CDH10: variants seen among roughly 807,000 people sequenced by gnomAD.
CDH10 encodes the protein cadherin 10.
CDH10 carries 30 observed loss-of-function variants against 73.1 expected under a neutral mutation model. The ratio of observed to expected loss-of-function variants is 0.41; its 90% CI spans 0.31 to 0.56. CDH10 has a LOEUF of 0.56. Among genes scored for constraint, CDH10 ranks in the 20% least tolerant of loss-of-function variants. The pLI, the probability that CDH10 is intolerant of heterozygous loss-of-function variation, is 0.27. For synonymous variants in CDH10, 345 were observed against 348.2 expected (o/e 0.99, Z 0.10); for missense variants, 815 against 973.7 (o/e 0.84, Z 2.17).
chr5:24,583,243 C>T (rs1745868263), intron 2 of CDH10, among the ~76,000 whole-genome samples: 2 of 148,020 alleles, frequency 1.4e-5, no homozygotes, highest in African/African-American at 4.9e-5. Context: ...CATCTCACAT[C>T]TCATAAAGTA....
chr5:24,609,890 G>C (rs931954684), intron 1 of CDH10: 8 of 152,290 alleles, frequency 5.3e-5, no homozygotes, highest in Non-Finnish European at 1.0e-4. Flanking sequence ...GCTGCTCACT[G>C]CCTGTCGGAT....
chr5:24,539,462 G>T (rs1291149348), intron 2 of CDH10, among the ~76,000 whole-genome samples: 2 of 151,800 alleles, frequency 1.3e-5, no homozygotes, highest in African/African-American at 4.8e-5. Flanking sequence ...GCTATTACTT[G>T]TTATCACTGG....
intron 3 of CDH10, among the ~76,000 whole-genome samples, chr5:24,536,490 A>G (rs561317747): frequency 1.3e-4 from 20 of 152,196 alleles, no homozygotes; most frequent in Non-Finnish European, 2.9e-4. Flanking sequence ...AAAGCTTTAG[A>G]TTTGTTTAAT....
chr5:24,608,396 G>C (rs1036171158), intron 1 of CDH10, among the ~76,000 whole-genome samples: 1 of 151,998 alleles, frequency 6.6e-6, no homozygotes, highest in Non-Finnish European at 1.5e-5. Flanking sequence ...GGGTTCAAGC[G>C]ATTCTCCTGA....
chr5:24,513,783 C>T lies in CDH10; in HGVS notation c.815-2269G>A, dbSNP rs542249933. Among the ~76,000 whole-genome samples, 10 of 152,232 alleles carry T rather than the reference C, an allele frequency of 6.6e-5. No homozygotes were observed. In the South Asian group the frequency reaches 1.9e-3, roughly 28 times the overall value. On this transcript the variant is annotated intron_variant, in intron 5 of 11. Coordinates refer to ENST00000264463, the MANE Select transcript of CDH10 (RefSeq NM_006727.5). ...ATCTTATTGGTTCTCTTTGCCTTTG[C>T]TGATTCTTCTTGGAACACCTGTCCC... is the stretch of plus-strand genomic sequence containing the variant.
intron 2 of CDH10, among the ~76,000 whole-genome samples, chr5:24,582,410 T>C (rs1322223306): frequency 1.3e-5 from 2 of 152,140 alleles, no homozygotes; most frequent in Admixed American, 6.5e-5. Context: ...CCTATATAGA[T>C]ATTCAAACTA....
At chr5:24,566,075 G>A (rs1745155930) in intron 2 of CDH10, among the ~76,000 whole-genome samples, 1 of 152,114 alleles carries the variant, frequency 6.6e-6, no homozygotes, top group Admixed American at 6.5e-5. Context: ...TTGAGACAGA[G>A]TCTCACCCTC....
At chr5:24,630,591 A>G (rs1275667306) in intron 1 of CDH10, among the ~76,000 whole-genome samples, 1 of 151,818 alleles carries the variant, frequency 6.6e-6, no homozygotes, top group East Asian at 1.9e-4. Context: ...TCTTAAGGAA[A>G]AAGAAACATT....
chr5:24,631,033 G>A (rs1007656150), intron 1 of CDH10, among the ~76,000 whole-genome samples: 11 of 152,032 alleles, frequency 7.2e-5, no homozygotes, highest in African/African-American at 2.4e-4. Flanking sequence ...TGGTGGAAGT[G>A]GTAAAACTCT....
At chr5:24,624,754 CTG>C (rs1747435734) in intron 1 of CDH10, among the ~76,000 whole-genome samples, 1 of 152,108 alleles carries the variant, frequency 6.6e-6, no homozygotes, top group Non-Finnish European at 1.5e-5. Flanking sequence ...AAAGGCAAGT[CTG>C]GAATCCATAT....
intron 2 of CDH10, among the ~76,000 whole-genome samples, chr5:24,552,868 G>C (rs887714325): frequency 6.6e-6 from 1 of 152,028 alleles, no homozygotes. Flanking sequence ...TCTTGTTGGA[G>C]ATAAGATAAA....
rs571787057 is a variant in CDH10, at chr5:24,494,038, A to G, written c.1516-1113T>C. ...AGCAATCTATTTAATTACAACCCTA[A>G]CCATTTATTTCAAAAGGATACAAGA... On this transcript the variant is annotated intron_variant, in intron 9 of 11. Transcript: ENST00000264463. 4.6e-5 allele frequency among the ~76,000 whole-genome samples: 7 copies of G among 152,038 alleles called. No individual in the cohort carries two copies. The South Asian group carries it at 1.5e-3, about 32-fold the overall frequency.
Position 24,487,514 on chromosome 5 carries a change from T to C in CDH10, c.*149A>G. 1.4e-6 allele frequency: 1 copy of C among 697,468 alleles called. No individual in the cohort carries two copies. Among genetic ancestry groups the C allele is most frequent in the South Asian group, 1.9e-5 (1 of 53,728 alleles). The allele number at this position is 697,468 out of a possible 1,614,324, so 43.2% of individuals were successfully genotyped here. On this transcript the variant is annotated 3_prime_UTR_variant, in exon 12 of 12. Coordinates refer to ENST00000264463, the MANE Select transcript of CDH10 (RefSeq NM_006727.5). ...CATGAGACATCCTACAGGAAAGAATTAATGTAATTAATGAACAAATTAAGA... is the reference window on the plus strand; with the variant it reads ...CATGAGACATCCTACAGGAAAGAATCAATGTAATTAATGAACAAATTAAGA...
At chr5:24,530,191 A>T (rs558713919) in intron 5 of CDH10, among the ~76,000 whole-genome samples, 40 of 150,984 alleles carry the variant, frequency 2.6e-4, no homozygotes, top group Admixed American at 6.6e-4. Context: ...TCAAATAGAC[A>T]TTCTCTGGAG....
At chr5:24,520,893 A>ATT (rs11459094) in intron 5 of CDH10, among the ~76,000 whole-genome samples, 79 of 149,870 alleles carry the variant, frequency 5.3e-4, no homozygotes, top group Admixed American at 1.4e-3. Flanking sequence ...CACCCGGCAA[A>ATT]TTTTTTTTTT....
intron 1 of CDH10, among the ~76,000 whole-genome samples, chr5:24,605,405 T>C (rs1028659101): frequency 6.6e-6 from 1 of 152,194 alleles, no homozygotes; most frequent in Non-Finnish European, 1.5e-5. Flanking sequence ...TATTATGAAC[T>C]GCACAGGCAA....
chr5:24,546,517 C>G (rs922468618), intron 2 of CDH10, among the ~76,000 whole-genome samples: 1 of 152,082 alleles, frequency 6.6e-6, no homozygotes, highest in Non-Finnish European at 1.5e-5. Flanking sequence ...TCGTACTCAT[C>G]TATAAAGATC....
intron 1 of CDH10, among the ~76,000 whole-genome samples, chr5:24,618,073 G>C (rs1285790827): frequency 6.6e-6 from 1 of 152,080 alleles, no homozygotes; most frequent in East Asian, 1.9e-4. Flanking sequence ...GTTTGGTTAG[G>C]GGTTCATTTT....
rs10070346 is a variant in CDH10 at position 24,565,587 on chromosome 5, C to T, written c.231+27673G>A. Among the ~76,000 whole-genome samples the T allele has an allele frequency of 4.4e-3, 663 of 152,170 alleles. 2 individuals carry two copies. The highest frequency in any genetic ancestry group is 0.015 in the African/African-American group (633 of 41,524). ...ATGGACTAGATGTTTTTGACCCCCA[C>T]CAAATTTAAATGTTAAAGCCCTAAT... On this transcript the variant is annotated intron_variant, in intron 2 of 11. Coordinates refer to ENST00000264463, the MANE Select transcript of CDH10 (RefSeq NM_006727.5).
Sources: gnomAD v4.1 joint callset for allele counts (sites outside exome capture counted in the v4.1 genomes callset) on GRCh38, gnomAD v4.1.1 for gene constraint, MANE v1.5 for transcripts, NCBI Gene and HGNC (gene_info 2026-07-23, HGNC 2026-07-21) for gene names.